MEIOB: variants seen among roughly 807,000 people sequenced by gnomAD.
MEIOB encodes meiosis-specific with OB domain-containing protein.
Under a neutral mutation model 53.1 loss-of-function variants are expected in MEIOB, and 50 were observed. The ratio of observed to expected loss-of-function variants is 0.94; its 90% confidence interval spans 0.75 to 1.19. The LOEUF (loss-of-function observed/expected upper bound fraction) is 1.19. MEIOB is among the 50% of genes most tolerant of loss of function. The pLI, the probability that MEIOB is intolerant of heterozygous loss-of-function variation, is 0.00. For synonymous variants in MEIOB, 192 were observed against 182.5 expected (o/e 1.05, Z -0.42); for missense variants, 551 against 550.8 (o/e 1.00, Z 0.00).
At chr16:1,864,481 T>C (rs899629108) in intron 3 of MEIOB, among the ~76,000 whole-genome samples, 3 of 127,088 alleles carry the variant, frequency 2.4e-5, no homozygotes, top group African/African-American at 9.4e-5. Context: ...AATTTCTTTT[T>C]CTTTTCTTTT....
intron 13 of MEIOB, among the ~76,000 whole-genome samples, chr16:1,836,594 T>C (rs912628448): frequency 6.7e-6 from 1 of 148,844 alleles, no homozygotes; most frequent in Non-Finnish European, 1.5e-5. Flanking sequence ...CAAGCCGAGG[T>C]CCTAGAAATA....
intron 6 of MEIOB, among the ~76,000 whole-genome samples, chr16:1,855,565 G>T (rs1036029413): frequency 6.6e-6 from 1 of 152,224 alleles, no homozygotes; most frequent in Non-Finnish European, 1.5e-5. Flanking sequence ...GGGTGGGAAA[G>T]CTGCCGCAGT....
intron 1 of MEIOB, among the ~76,000 whole-genome samples, chr16:1,871,176 G>A (rs1247399218): frequency 6.6e-6 from 1 of 151,690 alleles, no homozygotes; most frequent in Non-Finnish European, 1.5e-5. Flanking sequence ...AGAATTCAGA[G>A]ATGACTTCAT....
intron 3 of MEIOB, 73 bp downstream of exon 3, chr16:1,865,705 C>T (rs1899576273): frequency 6.3e-6 from 7 of 1,106,734 alleles, no homozygotes; most frequent in Non-Finnish European, 6.5e-6. Flanking sequence ...AAATTAATCA[C>T]TTCAATATAC....
chr16:1,857,797 T>A lies in MEIOB; in HGVS notation c.466A>T (p.Ile156Phe). The A allele has an allele frequency of 6.4e-7, 1 of 1,551,992 alleles. No individual in the cohort carries two copies. The highest frequency in any genetic ancestry group is 2.4e-5 in the East Asian group (1 of 40,922). The change falls in exon 6 of 14, where the codon ATT becomes TTT. Residue 156 changes from isoleucine to phenylalanine, a missense_variant. Ile to Phe is a conservative substitution (Grantham distance 21). Coordinates refer to ENST00000325962, the MANE Select transcript of MEIOB (RefSeq NM_001163560.3). Reference sequence around the variant, plus strand: ...TTAAGACTGTGTCCATTTGCAACAATGTCACCCAGTGAATAATAATCATGA... The same window carrying A: ...TTAAGACTGTGTCCATTTGCAACAAAGTCACCCAGTGAATAATAATCATGA... ...ESHDYYSLGD[I>F]VANGHSLNGR...
intron 4 of MEIOB, among the ~76,000 whole-genome samples, chr16:1,861,674 C>A (rs777157096): frequency 6.6e-6 from 1 of 151,266 alleles, no homozygotes. Context: ...TCCTTAGTAG[C>A]TGGTACTACA....
At chr16:1,863,748 A>T (rs200206923) in intron 3 of MEIOB, among the ~76,000 whole-genome samples, 2 of 147,620 alleles carry the variant, frequency 1.4e-5, no homozygotes, top group Admixed American at 6.8e-5. Context: ...AATAAATTTT[A>T]AAAATAATTA....
intron 9 of MEIOB, among the ~76,000 whole-genome samples, chr16:1,849,346 C>T (rs1452687127): frequency 6.6e-6 from 1 of 151,998 alleles, no homozygotes; most frequent in African/African-American, 2.4e-5. Flanking sequence ...AGATCAAGAC[C>T]ATCCTGGCTA....
chr16:1,850,987 G>GA (rs1453232944), intron 9 of MEIOB, among the ~76,000 whole-genome samples: 1 of 152,062 alleles, frequency 6.6e-6, no homozygotes, highest in African/African-American at 2.4e-5. Flanking sequence ...CTCCAGGAAA[G>GA]AAAAAACTGA....
chr16:1,852,841 C>A (rs1192093970), intron 9 of MEIOB, among the ~76,000 whole-genome samples, 198 bp downstream of exon 9: 1 of 152,220 alleles, frequency 6.6e-6, no homozygotes, highest in Non-Finnish European at 1.5e-5. Context: ...CAGGCATGAG[C>A]CACCACGTCC....
chr16:1,847,590 G>T (rs201242332), intron 9 of MEIOB, among the ~76,000 whole-genome samples: 2 of 142,432 alleles, frequency 1.4e-5, no homozygotes, highest in East Asian at 4.3e-4. Flanking sequence ...AAAAAAAGAA[G>T]AAAAGAGAAG....
At chr16:1,864,577 C>G (rs1899537696) in intron 3 of MEIOB, among the ~76,000 whole-genome samples, 1 of 151,028 alleles carries the variant, frequency 6.6e-6, no homozygotes, top group Non-Finnish European at 1.5e-5. Context: ...CAACCTGCGC[C>G]TCCCAGGTTC....
At chr16:1,867,708 G>A (rs929203563) in intron 2 of MEIOB, among the ~76,000 whole-genome samples, 2 of 152,036 alleles carry the variant, frequency 1.3e-5, no homozygotes, top group African/African-American at 4.8e-5. Flanking sequence ...CCAACCTCAG[G>A]TGATCCAGCT....
chr16:1,850,855 AG>A (rs1899153228), intron 9 of MEIOB, among the ~76,000 whole-genome samples: 1 of 152,008 alleles, frequency 6.6e-6, no homozygotes, highest in Non-Finnish European at 1.5e-5. Context: ...CGGGAGGCGG[AG>A]CTTGCAGTGA....
Position 1,834,196 on chromosome 16 carries a change from TC to T in MEIOB, c.*59del, listed in dbSNP as rs1425422547. Reference sequence around the variant, plus strand: ...TTCCCCATAATTTTCAAATTAATATTCCATTTTAAAGGGAGTTAAAACTCTT... The same window carrying T: ...TTCCCCATAATTTTCAAATTAATATTCATTTTAAAGGGAGTTAAAACTCTT... On this transcript the variant is annotated 3_prime_UTR_variant, in exon 14 of 14. Transcript: ENST00000325962. 1 of 851,042 alleles carries T rather than the reference TC, an allele frequency of 1.2e-6. No homozygotes were observed. The highest frequency in any genetic ancestry group is 1.7e-5 in the African/African-American group (1 of 58,150). 52.7% of individuals were successfully genotyped at this position (851,042 alleles called of 1,614,324 possible).
chr16:1,849,402 T>C (rs1178924989), intron 9 of MEIOB, among the ~76,000 whole-genome samples: 1 of 151,898 alleles, frequency 6.6e-6, no homozygotes, highest in African/African-American at 2.4e-5. Context: ...AAAAATTAGC[T>C]GGGTGTGGTG....
At chr16:1,852,949 G>A in intron 9 of MEIOB, 90 bp downstream of exon 9, 4 of 799,270 alleles carry the variant, frequency 5.0e-6, no homozygotes, top group Non-Finnish European at 7.8e-6. Flanking sequence ...TTAAATCCAG[G>A]CTGAATTTTC....
chr16:1,835,107 T>G (rs1164579513), intron 13 of MEIOB, among the ~76,000 whole-genome samples: 1 of 151,744 alleles, frequency 6.6e-6, no homozygotes, highest in African/African-American at 2.4e-5. Flanking sequence ...ATATAAAAAT[T>G]AGCCAGGTGT....
rs1267144748 is a variant in MEIOB, at chr16:1,854,233, C to T, written c.529-33G>A. 4 of 1,285,084 alleles carry T rather than the reference C, an allele frequency of 3.1e-6. No individual in the cohort carries two copies. In the East Asian group the frequency reaches 1.0e-4, roughly 33 times the overall value. 79.6% of individuals were successfully genotyped at this position (1,285,084 alleles called of 1,614,324 possible). On this transcript the variant is annotated intron_variant, in intron 6 of 13. Transcript: ENST00000325962. ...ATGGAAATAAATCATTACTCTTCAC[C>T]TATATGTAGAAGTTCTTAAGTATTT...
Sources: allele counts gnomAD v4.1 joint callset (sites outside exome capture counted in the v4.1 genomes callset), GRCh38; gene constraint gnomAD v4.1.1; transcripts MANE v1.5; gene names NCBI Gene and HGNC (gene_info 2026-07-23, HGNC 2026-07-21).